MAPK10: variants seen among roughly 807,000 people sequenced by gnomAD.
MAPK10 encodes JNK3 alpha protein kinase.
Under a neutral mutation model 59.3 loss-of-function variants are expected in MAPK10, and 25 were observed. The observed-to-expected ratio is 0.42, with a 90% CI of 0.31 to 0.59. MAPK10 has a LOEUF of 0.59. Ranked by LOEUF, MAPK10 falls within the 20% of genes least tolerant of loss-of-function variation. MAPK10 has a pLI of 0.15. For missense variants in MAPK10, 351 were observed against 568.9 expected (o/e 0.62, Z 3.90); for synonymous variants, 190 against 200.5 (o/e 0.95, Z 0.44).
intron 1 of MAPK10, among the ~76,000 whole-genome samples, chr4:86,502,146 A>G (rs192131781): frequency 3.3e-5 from 5 of 152,124 alleles, no homozygotes; most frequent in Admixed American, 2.0e-4. Flanking sequence ...TTTAACGGCT[A>G]CTTTTTGATC....
At chr4:86,270,287 A>G (rs1173330290) in intron 2 of MAPK10, among the ~76,000 whole-genome samples, 1 of 151,964 alleles carries the variant, frequency 6.6e-6, no homozygotes, top group Non-Finnish European at 1.5e-5. Context: ...ACATTTTAGT[A>G]TATTTCTTGG....
intron 9 of MAPK10, chr4:86,082,231 C>A (rs1579897289): frequency 6.6e-6 from 1 of 152,096 alleles, no homozygotes. Context: ...AGGTGGAGCA[C>A]ATAAAAATAT....
intron 1 of MAPK10, among the ~76,000 whole-genome samples, chr4:86,368,156 A>T (rs1738207378): frequency 6.6e-6 from 1 of 152,204 alleles, no homozygotes; most frequent in Non-Finnish European, 1.5e-5. Flanking sequence ...TTTAAACTTC[A>T]TGTAAGAAAA....
rs138620465 is a variant in MAPK10, at chr4:86,467,169, G to T, written c.-262-112525C>A. 3.2e-3 allele frequency among the ~76,000 whole-genome samples: 491 copies of T among 152,260 alleles called. 1 individual carries two copies. Among genetic ancestry groups the T allele is most frequent in the African/African-American group, 0.011 (463 of 41,552 alleles). ...AATTGTTAACCAAAAATTATAGAAG[G>T]CCACTGTATTGAAGCGGGCCTCACA... On this transcript the variant is annotated intron_variant, in intron 1 of 4. Coordinates refer to the MAPK10 transcript ENST00000502302.
rs146555394 is a variant in MAPK10, at chr4:86,571,714, C to T, written c.-263+22196G>A. Among the ~76,000 whole-genome samples the T allele has an allele frequency of 3.6e-3, 554 of 152,176 alleles. 2 individuals are homozygous for T. Among genetic ancestry groups the T allele is most frequent in the Middle Eastern group, 0.014 (4 of 294 alleles). On this transcript the variant is annotated intron_variant, in intron 1 of 4. Coordinates refer to the MAPK10 transcript ENST00000502302. ...CCTCATACTAAAAACTGGTGGGCTGCCAAAGATACGGTTGGCTATCTCCTG... is the reference window on the plus strand; with the variant it reads ...CCTCATACTAAAAACTGGTGGGCTGTCAAAGATACGGTTGGCTATCTCCTG...
intron 2 of MAPK10, among the ~76,000 whole-genome samples, chr4:86,306,322 T>C (rs945095212): frequency 1.3e-5 from 2 of 152,272 alleles, no homozygotes; most frequent in African/African-American, 4.8e-5. Flanking sequence ...TCTATTGTGA[T>C]ATCACATATC....
Position 86,328,900 on chromosome 4 carries a change from C to T in MAPK10, c.-7+25630G>A, listed in dbSNP as rs193111115. On this transcript the variant is annotated intron_variant, in intron 2 of 13. Transcript: ENST00000641462. ...AGCATCAGGACAAATACTTAACGCA[C>T]GAGGGGGCATCAAACCTAGATGATG... Among the ~76,000 whole-genome samples the T allele has an allele frequency of 2.9e-3, 438 of 151,942 alleles. 3 individuals are homozygous for T. Among genetic ancestry groups the T allele is most frequent in the African/African-American group, 9.9e-3 (409 of 41,430 alleles).
chr4:86,395,009 G>A (rs999344491), intron 1 of MAPK10, among the ~76,000 whole-genome samples: 2 of 152,160 alleles, frequency 1.3e-5, no homozygotes, highest in Admixed American at 1.3e-4. Context: ...AAAAAGGCAT[G>A]TAAATCTTCC....
At chr4:86,077,143 A>G (rs1561398972) in intron 9 of MAPK10, among the ~76,000 whole-genome samples, 1 of 152,160 alleles carries the variant, frequency 6.6e-6, no homozygotes, top group Non-Finnish European at 1.5e-5. Flanking sequence ...GTAGGGCATG[A>G]TGTCCAGATA....
At chr4:86,203,715 T>C (rs2083164966) in intron 2 of MAPK10, among the ~76,000 whole-genome samples, 1 of 150,378 alleles carries the variant, frequency 6.6e-6, no homozygotes, top group Non-Finnish European at 1.5e-5. Context: ...TTTGTGTTCT[T>C]GTATCATACA....
intron 11 of MAPK10, among the ~76,000 whole-genome samples, chr4:86,043,496 TTA>T (rs539022179): frequency 9.2e-5 from 14 of 152,192 alleles, no homozygotes; most frequent in Non-Finnish European, 1.8e-4. Flanking sequence ...GACTAATGTT[TTA>T]TAGAGACTTG....
chr4:86,566,579 G>A (rs781377597), intron 1 of MAPK10, among the ~76,000 whole-genome samples: 31 of 152,158 alleles, frequency 2.0e-4, no homozygotes, highest in Non-Finnish European at 3.8e-4. Context: ...GCCGGGCATG[G>A]TGCTGGGCAT....
chr4:86,381,766 A>G (rs1159200259), intron 1 of MAPK10, among the ~76,000 whole-genome samples: 6 of 152,112 alleles, frequency 3.9e-5, no homozygotes, highest in African/African-American at 1.4e-4. Flanking sequence ...AGGTGCATTT[A>G]TTTACACAGG....
upstream of MAPK10, among the ~76,000 whole-genome samples, chr4:86,454,319 G>C (rs550538139): frequency 6.6e-6 from 1 of 152,270 alleles, no homozygotes; most frequent in South Asian, 2.1e-4. Flanking sequence ...AGCTAATCAG[G>C]AAGGCACCTG....
Position 86,397,877 on chromosome 4 carries a change from A to AAC in MAPK10, c.-121-43234_-121-43233insGT, listed in dbSNP as rs1374746613. Among the ~76,000 whole-genome samples, 201 of 150,110 alleles carry AAC rather than the reference A, an allele frequency of 1.3e-3. 1 individual carries two copies. Among genetic ancestry groups the AAC allele is most frequent in the Non-Finnish European group, 2.4e-3 (160 of 67,668 alleles). ...AATCTGCTATGGCAAAAAAAAAAAA[A>AAC]AAAAAAAAAAAAACTGGCTTTTTCT... On this transcript the variant is annotated intron_variant, in intron 1 of 13. Coordinates refer to the MAPK10 transcript ENST00000361569.
At chr4:86,483,848 CA>C in intron 1 of MAPK10, among the ~76,000 whole-genome samples, 1 of 152,208 alleles carries the variant, frequency 6.6e-6, no homozygotes, top group East Asian at 1.9e-4. Flanking sequence ...TGAGAAAGGA[CA>C]ACCTTTCTAT....
intron 1 of MAPK10, among the ~76,000 whole-genome samples, chr4:86,478,392 CCAAA>C (rs1173279251): frequency 4.6e-5 from 7 of 152,322 alleles, no homozygotes; most frequent in Non-Finnish European, 7.3e-5. Context: ...ACCTTTTTAT[CCAAA>C]CAACTTGACC....
chr4:86,512,782 A>G (rs552989757), intron 1 of MAPK10, among the ~76,000 whole-genome samples: 10 of 152,334 alleles, frequency 6.6e-5, no homozygotes, highest in African/African-American at 2.4e-4. Flanking sequence ...ATTTTAAGGG[A>G]TAAGTTTCAT....
intron 1 of MAPK10, among the ~76,000 whole-genome samples, chr4:86,463,168 A>T (rs1295974281): frequency 1.3e-5 from 2 of 152,232 alleles, no homozygotes; most frequent in Non-Finnish European, 2.9e-5. Context: ...TAATTCAGTT[A>T]TACAACCTAT....
Sources: gnomAD v4.1 joint callset for allele counts (sites outside exome capture counted in the v4.1 genomes callset) on GRCh38, gnomAD v4.1.1 for gene constraint, MANE v1.5 for transcripts, NCBI Gene and HGNC (gene_info 2026-07-23, HGNC 2026-07-21) for gene names.